The following PCDHA10 variants were observed in gnomAD, a reference collection of about 807,000 sequenced individuals.
PCDHA10 encodes protocadherin alpha-10.
Under a neutral mutation model 61.2 loss-of-function variants are expected in PCDHA10, and 45 were observed. The observed-to-expected ratio is 0.74, with a 90% CI of 0.58 to 0.94. PCDHA10 has a LOEUF of 0.94. Among genes scored for constraint, PCDHA10 ranks in the 40% least tolerant of loss-of-function variants. The pLI is 0.00. For missense variants in PCDHA10, 1,278 were observed against 1,236.2 expected (o/e 1.03, Z -0.51); for synonymous variants, 602 against 548.8 (o/e 1.10, Z -1.35).
Position 140,982,562 on chromosome 5 carries a change from A to C in PCDHA10, c.2535A>C (p.Pro845=). ...QQWPTVSSAT[P]EPEAGEVSPP... ...GGCCAACAGTATCCAGTGCAACACCAGGTAAAGAGCTGGGGTCTCTCCATT... is the reference window on the plus strand; with the variant it reads ...GGCCAACAGTATCCAGTGCAACACCCGGTAAAGAGCTGGGGTCTCTCCATT... Residue 845 remains proline, a splice_region_variant and synonymous_variant, in exon 3 of 4, where the codon CCA becomes CCC. Coordinates refer to ENST00000307360, the MANE Select transcript of PCDHA10 (RefSeq NM_018901.4). 3 of 1,614,062 alleles carry C rather than the reference A, an allele frequency of 1.9e-6. No individual in the cohort carries two copies. The highest frequency in any genetic ancestry group is 2.5e-6 in the Non-Finnish European group (3 of 1,179,936).
intron 1 of PCDHA10, among the ~76,000 whole-genome samples, chr5:140,970,213 A>AAAT (rs1198069658): frequency 6.6e-5 from 10 of 152,242 alleles, no homozygotes; most frequent in Admixed American, 2.0e-4. Context: ...AATTTAGCTT[A>AAAT]AATGCAGCCT....
Position 140,858,496 on chromosome 5 carries a change from C to T in PCDHA10, c.2388+60C>T, listed in dbSNP as rs1554151697. 7 of 1,479,962 alleles carry T rather than the reference C, an allele frequency of 4.7e-6. 1 individual carries two copies. 91.7% of individuals were successfully genotyped at this position (1,479,962 alleles called of 1,614,324 possible). ...TTATGAATAATATTTTCTCTTACCG[C>T]ATTTTCTCAAATATGTATCAGAATA... is the stretch of plus-strand genomic sequence containing the variant. On this transcript the variant is annotated intron_variant, in intron 1 of 3. Transcript: ENST00000307360.
At position 140,856,566 on chromosome 5, in the gene PCDHA10, CA is replaced by C. The variant is rs1554148860; in HGVS notation, c.521del (p.Asn174MetfsTer9). ...ENALLTYKLS[P>X]NEYFVLDIIN... ...GCATTGCTTACTTACAAACTCAGTCCAAATGAGTATTTTGTTCTTGATATTA... is the reference window on the plus strand; with the variant it reads ...GCATTGCTTACTTACAAACTCAGTCCAATGAGTATTTTGTTCTTGATATTA... On this transcript the variant is annotated frameshift_variant, in exon 1 of 4. Coordinates refer to ENST00000307360, the MANE Select transcript of PCDHA10 (RefSeq NM_018901.4). LOFTEE classifies it high-confidence loss of function. The C allele has an allele frequency of 6.3e-7, 1 of 1,597,240 alleles. No individual in the cohort carries two copies. The highest frequency in any genetic ancestry group is 1.1e-5 in the South Asian group (1 of 90,498).
At chr5:140,948,665 A>T (rs2094288381) in intron 1 of PCDHA10, among the ~76,000 whole-genome samples, 1 of 151,668 alleles carries the variant, frequency 6.6e-6, no homozygotes. Flanking sequence ...ATCTGTAGTG[A>T]TAACATCTTT....
intron 1 of PCDHA10, among the ~76,000 whole-genome samples, chr5:140,902,016 T>C (rs541579348): frequency 1.3e-5 from 2 of 152,274 alleles, no homozygotes; most frequent in South Asian, 4.1e-4. Context: ...TTGGGACATA[T>C]AGAAATACTA....
chr5:140,944,316 T>G (rs140163712), intron 1 of PCDHA10, among the ~76,000 whole-genome samples: 1 of 151,958 alleles, frequency 6.6e-6, no homozygotes, highest in Non-Finnish European at 1.5e-5. Context: ...GCCTCCTGAG[T>G]AGCTGGGATT....
intron 3 of PCDHA10, among the ~76,000 whole-genome samples, chr5:140,997,109 G>A (rs1293025484): frequency 1.3e-5 from 2 of 152,022 alleles, no homozygotes; most frequent in Non-Finnish European, 2.9e-5. Flanking sequence ...ATGCACTCCT[G>A]CTCTCCCACA....
At chr5:140,878,747 A>G (rs1371286502) in intron 1 of PCDHA10, among the ~76,000 whole-genome samples, 1 of 152,186 alleles carries the variant, frequency 6.6e-6, no homozygotes, top group Non-Finnish European at 1.5e-5. Context: ...ACTTTCTTAC[A>G]TATCTTTAGT....
At chr5:140,875,580 C>T (rs1381718234) in intron 1 of PCDHA10, 2 of 1,614,076 alleles carry the variant, frequency 1.2e-6, no homozygotes, top group East Asian at 2.2e-5. Flanking sequence ...ACTCCGTCTA[C>T]GAGGAGGCCA....
At position 140,856,816 on chromosome 5, in the gene PCDHA10, C is replaced by T. The variant is rs2044218457; in HGVS notation, c.768C>T (p.Asn256=). ...YEVKMYENQV[N]QTLVIRLNAS... ...TTAAGATGTATGAAAATCAAGTGAA[C>T]CAAACATTAGTAATACGGCTCAACG... Residue 256 remains asparagine, a synonymous_variant, in exon 1 of 4, where the codon AAC becomes AAT. Coordinates refer to ENST00000307360, the MANE Select transcript of PCDHA10 (RefSeq NM_018901.4). The T allele has an allele frequency of 1.3e-6, 2 of 1,593,576 alleles. No individual in the cohort carries two copies. Among genetic ancestry groups the T allele is most frequent in the Admixed American group, 1.7e-5 (1 of 59,114 alleles).
intron 1 of PCDHA10, among the ~76,000 whole-genome samples, chr5:140,890,344 A>T (rs1482265903): frequency 1.3e-5 from 2 of 152,196 alleles, no homozygotes; most frequent in Admixed American, 6.5e-5. Context: ...GGGATGGTTT[A>T]CTATATAGCA....
At chr5:140,986,077 A>G (rs1335070462) in intron 3 of PCDHA10, among the ~76,000 whole-genome samples, 2 of 152,094 alleles carry the variant, frequency 1.3e-5, no homozygotes, top group Non-Finnish European at 2.9e-5. Flanking sequence ...GAAACTGTTC[A>G]TTTATTTTCA....
At chr5:140,941,185 C>CTTTT (rs782102770) in intron 1 of PCDHA10, among the ~76,000 whole-genome samples, 28 of 102,174 alleles carry the variant, frequency 2.7e-4, no homozygotes, top group African/African-American at 6.8e-4. Flanking sequence ...CATCCTGCTT[C>CTTTT]TTTTTTTTTC....
At chr5:140,883,041 G>A (rs2059417348) in intron 1 of PCDHA10, 1 of 1,613,960 alleles carries the variant, frequency 6.2e-7, no homozygotes, top group African/African-American at 1.3e-5. Context: ...GCCTTCAATG[G>A]AACATTAGTG....
chr5:140,955,493 T>G (rs1554221955), intron 1 of PCDHA10, among the ~76,000 whole-genome samples: 1 of 152,190 alleles, frequency 6.6e-6, no homozygotes, highest in African/African-American at 2.4e-5. Flanking sequence ...CCTGCCACCA[T>G]GTGAAGAAAG....
rs370989006 is a variant in PCDHA10, at chr5:141,009,739, C to G, written c.2649C>G (p.Pro883=). The G allele has an allele frequency of 1.2e-6, 2 of 1,614,010 alleles. No homozygotes were observed. Among genetic ancestry groups the G allele is most frequent in the Non-Finnish European group, 8.5e-7 (1 of 1,180,008 alleles). The change falls in exon 4 of 4, where the codon CCC becomes CCG. Residue 883 remains proline (P), a synonymous_variant. Transcript: ENST00000307360. ...AACAATCCGGTCCCGGTGAGTTGCCCGACAAATTCATTATCCCAGGATCTC... is the reference window on the plus strand; with the variant it reads ...AACAATCCGGTCCCGGTGAGTTGCCGGACAAATTCATTATCCCAGGATCTC... The part of the protein sequence containing the change: ...NPKQSGPGEL[P]DKFIIPGSPA...
At chr5:140,866,092 G>C (rs1167702930) in intron 1 of PCDHA10, 1 of 152,100 alleles carries the variant, frequency 6.6e-6, no homozygotes, top group Non-Finnish European at 1.5e-5. Context: ...TTATGTAATT[G>C]TTAAGTAATT....
At chr5:140,926,613 C>T (rs868988407) in intron 1 of PCDHA10, 87 of 374,818 alleles carry the variant, frequency 2.3e-4, no homozygotes, top group Middle Eastern at 2.1e-3. Context: ...GTCTCTGCAC[C>T]CCTAGGCGGC....
intron 1 of PCDHA10, chr5:140,968,340 A>G: frequency 6.2e-7 from 1 of 1,614,136 alleles, no homozygotes; most frequent in African/African-American, 1.3e-5. Context: ...GTCTCCATTA[A>G]CAGTGCCAGT....
Sources: allele counts gnomAD v4.1 joint callset (sites outside exome capture counted in the v4.1 genomes callset), GRCh38; gene constraint gnomAD v4.1.1; transcripts MANE v1.5; gene names NCBI Gene and HGNC (gene_info 2026-07-23, HGNC 2026-07-21).